KIAA0825: variants seen among roughly 807,000 people sequenced by gnomAD.
KIAA0825 encodes uncharacterized protein KIAA0825.
KIAA0825 carries 119 observed loss-of-function variants against 147.6 expected under a neutral mutation model. The observed-to-expected ratio is 0.81, with a 90% confidence interval of 0.69 to 0.94. The LOEUF (loss-of-function observed/expected upper bound fraction) is 0.94. KIAA0825 is among the 40% of genes least tolerant of loss of function. The pLI, the probability that KIAA0825 is intolerant of heterozygous loss-of-function variation, is 0.00. For synonymous variants in KIAA0825, 470 were observed against 518.1 expected (o/e 0.91, Z 1.26); for missense variants, 1,381 against 1,472.7 (o/e 0.94, Z 1.02).
chr5:94,244,580 T>C (rs981888790), intron 20 of KIAA0825, among the ~76,000 whole-genome samples: 3 of 152,160 alleles, frequency 2.0e-5, no homozygotes, highest in Non-Finnish European at 2.9e-5. Flanking sequence ...CAAGCAATCC[T>C]CCCATCTCAG....
intron 3 of KIAA0825, among the ~76,000 whole-genome samples, chr5:94,528,067 G>A (rs903548424): frequency 2.0e-5 from 3 of 152,124 alleles, no homozygotes; most frequent in Non-Finnish European, 4.4e-5. Flanking sequence ...CTAAAATGGT[G>A]AGAAATTAAA....
intron 20 of KIAA0825, among the ~76,000 whole-genome samples, chr5:94,178,757 T>C (rs1769335485): frequency 6.6e-6 from 1 of 152,028 alleles, no homozygotes. Context: ...TGGCCATGTA[T>C]TAAAAAGTTA....
At chr5:94,569,861 C>T (rs1779578166) in intron 2 of KIAA0825, 1 of 168,740 alleles carries the variant, frequency 5.9e-6, no homozygotes, top group South Asian at 2.0e-4. Context: ...TGGCTCATTC[C>T]TCTACCTAGA....
chr5:94,488,466 A>G (rs1178232501), intron 5 of KIAA0825, among the ~76,000 whole-genome samples: 1 of 152,218 alleles, frequency 6.6e-6, no homozygotes, highest in Non-Finnish European at 1.5e-5. Flanking sequence ...AGATAAAATT[A>G]AATTTTCATT....
At chr5:94,474,032 C>T (rs188402321) in intron 7 of KIAA0825, among the ~76,000 whole-genome samples, 1 of 152,270 alleles carries the variant, frequency 6.6e-6, no homozygotes, top group Admixed American at 6.5e-5. Flanking sequence ...AAATAAATTT[C>T]TCAGAGAAAA....
intron 20 of KIAA0825, among the ~76,000 whole-genome samples, chr5:94,295,108 T>C (rs1485464810): frequency 6.6e-6 from 1 of 152,064 alleles, no homozygotes; most frequent in Non-Finnish European, 1.5e-5. Flanking sequence ...CTTGGAGGCT[T>C]TGTTCATGCC....
intron 20 of KIAA0825, among the ~76,000 whole-genome samples, chr5:94,280,689 A>G (rs917577705): frequency 6.6e-6 from 1 of 152,038 alleles, no homozygotes; most frequent in Non-Finnish European, 1.5e-5. Context: ...TGCTAGTGCC[A>G]CTGTAATATT....
intron 10 of KIAA0825, among the ~76,000 whole-genome samples, chr5:94,468,185 G>T (rs1449854758): frequency 3.3e-5 from 5 of 152,092 alleles, no homozygotes; most frequent in Non-Finnish European, 7.3e-5. Flanking sequence ...AAAATACTTG[G>T]TAACTTCAAT....
chr5:94,321,475 T>A (rs1392214308), intron 20 of KIAA0825, among the ~76,000 whole-genome samples: 1 of 151,944 alleles, frequency 6.6e-6, no homozygotes, highest in African/African-American at 2.4e-5. Flanking sequence ...ATAAGAAAAG[T>A]GAGGCACTGA....
intron 2 of KIAA0825, among the ~76,000 whole-genome samples, chr5:94,550,132 G>GA (rs1775242401): frequency 6.6e-6 from 1 of 152,140 alleles, no homozygotes; most frequent in African/African-American, 2.4e-5. Context: ...TATGTTAAAT[G>GA]AAAAAAACCA....
intron 20 of KIAA0825, among the ~76,000 whole-genome samples, chr5:94,318,495 A>G (rs1779865966): frequency 1.3e-5 from 2 of 151,984 alleles, no homozygotes; most frequent in Non-Finnish European, 2.9e-5. Flanking sequence ...TGTAGAAATT[A>G]GTAGCCATAT....
In KIAA0825 at chr5:94,503,431, G is replaced by A. The variant is rs117884492; in HGVS notation, c.970+16817C>T. 1.1e-3 allele frequency among the ~76,000 whole-genome samples: 161 copies of A among 152,240 alleles called. 5 individuals are homozygous for A. In the East Asian group the frequency reaches 0.03, roughly 28 times the overall value. On this transcript the variant is annotated intron_variant, in intron 5 of 20. Transcript: ENST00000682413. ...CAAAAACAAACCAGGCTCCAGAAAT[G>A]CTCCTGGTTACATTTTGGAAGTGAA...
intron 20 of KIAA0825, among the ~76,000 whole-genome samples, chr5:94,315,453 T>C (rs1053300508): frequency 2.0e-5 from 3 of 151,658 alleles, no homozygotes; most frequent in East Asian, 1.9e-4. Flanking sequence ...TTGAATGCTA[T>C]AGCAGTTGGT....
intron 20 of KIAA0825, among the ~76,000 whole-genome samples, chr5:94,167,073 C>G (rs1043498404): frequency 6.6e-6 from 1 of 152,046 alleles, no homozygotes; most frequent in African/African-American, 2.4e-5. Context: ...ATTACACCCC[C>G]CTCCTCACCC....
In KIAA0825 at chr5:94,417,435, T is replaced by A. The variant is rs945348319; in HGVS notation, c.2498-70A>T. ...ATATCAGTGAATATGATTAAACTCT[T>A]ACTATGTACACTAGCATAATGCTGT... is the stretch of plus-strand genomic sequence containing the variant. On this transcript the variant is annotated intron_variant, in intron 14 of 20. Transcript: ENST00000682413. The A allele has an allele frequency of 2.4e-6, 3 of 1,245,006 alleles. No homozygotes were observed. In the East Asian group the frequency reaches 7.7e-5, roughly 32 times the overall value. 77.1% of individuals were successfully genotyped at this position (1,245,006 alleles called of 1,614,324 possible).
intron 20 of KIAA0825, among the ~76,000 whole-genome samples, chr5:94,315,733 C>T (rs560711906): frequency 6.6e-6 from 1 of 151,768 alleles, no homozygotes; most frequent in East Asian, 1.9e-4. Context: ...CCATGTGGGG[C>T]TTAGAGAACA....
intron 12 of KIAA0825, among the ~76,000 whole-genome samples, chr5:94,457,113 G>A (rs1048362559): frequency 3.9e-5 from 6 of 152,168 alleles, no homozygotes; most frequent in African/African-American, 1.4e-4. Context: ...AGTGAGATCT[G>A]TATGAGCATT....
chr5:94,253,684 C>A (rs1034848735), intron 20 of KIAA0825, among the ~76,000 whole-genome samples: 1 of 152,058 alleles, frequency 6.6e-6, no homozygotes, highest in Non-Finnish European at 1.5e-5. Context: ...ATTTCAACAT[C>A]ATATATTTTT....
At chr5:94,491,822 C>G (rs1368373576) in intron 5 of KIAA0825, among the ~76,000 whole-genome samples, 3 of 152,036 alleles carry the variant, frequency 2.0e-5, no homozygotes, top group African/African-American at 7.3e-5. Flanking sequence ...CCAATATACA[C>G]AAGGTAAAAC....
Sources: allele counts gnomAD v4.1 joint callset (sites outside exome capture counted in the v4.1 genomes callset), GRCh38; gene constraint gnomAD v4.1.1; transcripts MANE v1.5; gene names NCBI Gene and HGNC (gene_info 2026-07-23, HGNC 2026-07-21).